Variants in MCF2L2 observed in about 807,000 individuals in gnomAD.
MCF2L2 encodes MCF.2 cell line derived transforming sequence-like 2.
Under a neutral mutation model 150.2 loss-of-function variants are expected in MCF2L2, and 102 were observed. That is an observed-to-expected ratio of 0.68 (90% CI 0.58 to 0.80). MCF2L2 has a LOEUF of 0.80. MCF2L2 is among the 30% of genes least tolerant of loss of function. MCF2L2 has a pLI of 0.00. For synonymous variants in MCF2L2, 465 were observed against 491.3 expected (o/e 0.95, Z 0.71); for missense variants, 1,256 against 1,372.8 (o/e 0.91, Z 1.34).
chr3:183,337,351 G>A (rs1410667459), intron 5 of MCF2L2, among the ~76,000 whole-genome samples: 1 of 152,060 alleles, frequency 6.6e-6, no homozygotes, highest in Non-Finnish European at 1.5e-5. Context: ...GAGGTCAGAA[G>A]TTCAAGACCA....
chr3:183,328,466 T>C (rs988805451), intron 5 of MCF2L2, among the ~76,000 whole-genome samples: 64 of 151,754 alleles, frequency 4.2e-4, no homozygotes, highest in African/African-American at 1.5e-3. Context: ...AGTGTCTGAA[T>C]TGAATTGTAG....
chr3:183,295,292 T>G lies in MCF2L2; in HGVS notation c.1675+8A>C. On this transcript the variant is annotated splice_region_variant and intron_variant, in intron 13 of 29. Transcript: ENST00000328913. Reference sequence around the variant, plus strand: ...AGCCACAAAGCTTCTTTTCCTCAAATAACCTACCCGAGGTGGAGGGCTGGC... The same window carrying G: ...AGCCACAAAGCTTCTTTTCCTCAAAGAACCTACCCGAGGTGGAGGGCTGGC... 6.3e-7 allele frequency: 1 copy of G among 1,594,750 alleles called. No individual in the cohort carries two copies. Among genetic ancestry groups the G allele is most frequent in the East Asian group, 2.2e-5 (1 of 44,666 alleles).
chr3:183,308,206 G>A (rs976692319), intron 10 of MCF2L2, among the ~76,000 whole-genome samples: 4 of 152,114 alleles, frequency 2.6e-5, no homozygotes, highest in South Asian at 4.2e-4. Context: ...CTGCACCCAC[G>A]GAACCTAGGA....
chr3:183,314,364 T>A (rs1161243464), intron 7 of MCF2L2, among the ~76,000 whole-genome samples: 1 of 152,136 alleles, frequency 6.6e-6, no homozygotes, highest in Admixed American at 6.5e-5. Context: ...TTTAGAGATT[T>A]TTTTCTGTGT....
intron 6 of MCF2L2, among the ~76,000 whole-genome samples, chr3:183,319,220 C>A (rs1323005911): frequency 2.6e-5 from 4 of 152,222 alleles, no homozygotes; most frequent in African/African-American, 9.6e-5. Context: ...ATGAAGAAAT[C>A]ACTTTTTTTG....
intron 15 of MCF2L2, among the ~76,000 whole-genome samples, chr3:183,233,255 C>T (rs891535037): frequency 7.3e-5 from 11 of 151,534 alleles, no homozygotes; most frequent in Admixed American, 3.3e-4. Flanking sequence ...GGGAGGGTGA[C>T]GCAGGATAAT....
rs1168186338 is a variant in MCF2L2, at chr3:183,197,986, TG to T, written c.2885-2732del. 1.2e-4 allele frequency among the ~76,000 whole-genome samples: 19 copies of T among 152,208 alleles called. No individual in the cohort carries two copies. The highest frequency in any genetic ancestry group is 4.3e-4 in the African/African-American group (18 of 41,448). ...GAACTCTCATACATTACTATGGGAA[TG>T]GAAGATACTATAATCACTTTGGAAA... On this transcript the variant is annotated intron_variant, in intron 25 of 29. Transcript: ENST00000328913. The surrounding 1 kb of genome is among the most constrained non-coding windows in gnomAD (Gnocchi z 4.5).
intron 14 of MCF2L2, among the ~76,000 whole-genome samples, chr3:183,282,154 TTTA>T (rs967386832): frequency 6.6e-6 from 1 of 151,198 alleles, no homozygotes; most frequent in Non-Finnish European, 1.5e-5. Context: ...TAAATTGGCT[TTTA>T]TTATTATTAT....
intron 3 of MCF2L2, chr3:183,375,724 A>AC (rs1264423957): frequency 6.6e-6 from 1 of 152,090 alleles, no homozygotes; most frequent in Non-Finnish European, 1.5e-5. Flanking sequence ...GTATCCTGCC[A>AC]TTTTCCTATT....
At chr3:183,278,843 G>C (rs2314733) in intron 14 of MCF2L2, among the ~76,000 whole-genome samples, 23,707 of 151,912 alleles carry the variant, frequency 0.16, 5,405 homozygotes, top group African/African-American at 0.5. Context: ...TGAATGATGA[G>C]ATTTCCCTAA....
At chr3:183,245,360 G>A (rs960807458) in intron 15 of MCF2L2, among the ~76,000 whole-genome samples, 1 of 152,186 alleles carries the variant, frequency 6.6e-6, no homozygotes, top group Non-Finnish European at 1.5e-5. Flanking sequence ...GCCATGAGGA[G>A]TAAACTCCAG....
At chr3:183,194,175 T>A (rs540886442) in intron 26 of MCF2L2, among the ~76,000 whole-genome samples, 1 of 152,196 alleles carries the variant, frequency 6.6e-6, no homozygotes, top group Non-Finnish European at 1.5e-5. Context: ...CTCATCTTTC[T>A]GGGTTAGGGT....
chr3:183,258,472 T>C (rs1227260628), intron 15 of MCF2L2: 1 of 152,442 alleles, frequency 6.6e-6, no homozygotes, highest in Admixed American at 6.5e-5. Flanking sequence ...ATTTGAATTC[T>C]GTTCTAGCTC....
intron 15 of MCF2L2, among the ~76,000 whole-genome samples, chr3:183,242,207 C>A (rs993173387): frequency 9.2e-5 from 14 of 151,966 alleles, no homozygotes; most frequent in African/African-American, 2.9e-4. Context: ...AAATTGGCAG[C>A]CTGATGATGT....
intron 3 of MCF2L2, among the ~76,000 whole-genome samples, chr3:183,342,086 A>C (rs1044418473): frequency 6.6e-6 from 1 of 152,226 alleles, no homozygotes; most frequent in Admixed American, 6.5e-5. Context: ...TTAACACGTC[A>C]GTGGGAAAAG....
At chr3:183,220,552 G>C (rs1197294168) in intron 20 of MCF2L2, among the ~76,000 whole-genome samples, 2 of 152,076 alleles carry the variant, frequency 1.3e-5, no homozygotes, top group Non-Finnish European at 2.9e-5. Context: ...TTTTCTTAAA[G>C]CTAAATTCCT....
At chr3:183,385,498 G>A (rs1713780453) in intron 2 of MCF2L2, among the ~76,000 whole-genome samples, 1 of 152,194 alleles carries the variant, frequency 6.6e-6, no homozygotes, top group Non-Finnish European at 1.5e-5. Context: ...ACAAGCCTAA[G>A]AGTATTGAGC....
chr3:183,272,650 T>C (rs541750476), intron 15 of MCF2L2: 11 of 1,002,192 alleles, frequency 1.1e-5, no homozygotes, highest in East Asian at 1.1e-4. Context: ...TACAGGGTTT[T>C]AGATCATTAC....
chr3:183,398,471 A>G (rs932668045), intron 1 of MCF2L2, among the ~76,000 whole-genome samples: 3 of 152,046 alleles, frequency 2.0e-5, no homozygotes, highest in Non-Finnish European at 4.4e-5. Context: ...TTGTTACAGC[A>G]GCTGGCGCTA....
Sources: gnomAD v4.1 joint callset for allele counts (sites outside exome capture counted in the v4.1 genomes callset) on GRCh38, gnomAD v4.1.1 for gene constraint, Gnocchi (gnomAD v3.1) non-coding constraint, MANE v1.5 for transcripts, NCBI Gene and HGNC (gene_info 2026-07-23, HGNC 2026-07-21) for gene names.